TEX11: variants seen among roughly 807,000 people sequenced by gnomAD.
The protein encoded by TEX11 is testis expressed 11.
In TEX11, 7 loss-of-function variants were observed where a neutral mutation model predicts 84.4. The observed-to-expected ratio is 0.08, with a 90% confidence interval of 0.05 to 0.16. TEX11 has a LOEUF of 0.16. Among genes scored for constraint, TEX11 ranks in the 10% least tolerant of loss-of-function variants. The pLI, the probability that TEX11 is intolerant of heterozygous loss-of-function variation, is 1.00. For missense variants in TEX11, 551 were observed against 660.5 expected (o/e 0.83, Z 1.82); for synonymous variants, 264 against 222.8 (o/e 1.18, Z -1.64).
intron 13 of TEX11, among the ~76,000 whole-genome samples, chrX:70,683,227 AC>A (rs2147659362): frequency 8.9e-6 from 1 of 112,338 alleles, no homozygotes; most frequent in South Asian, 3.7e-4. Context: ...CAAATAATAC[AC>A]TAGTATCTTC....
At chrX:70,805,110 G>A (rs2091211031) in intron 9 of TEX11, among the ~76,000 whole-genome samples, 1 of 107,759 alleles carries the variant, frequency 9.3e-6, no homozygotes, top group African/African-American at 3.4e-5. Flanking sequence ...ACTCCAGCCT[G>A]TTCTATTAGG....
chrX:70,634,712 C>CA lies in TEX11; in HGVS notation c.1484-4978dup, dbSNP rs200844454. 6.3e-3 allele frequency among the ~76,000 whole-genome samples: 418 copies of CA among 65,994 alleles called. 3 individuals carry two copies. Among genetic ancestry groups the CA allele is most frequent in the Admixed American group, 0.032 (212 of 6,717 alleles). The allele number at this position is 65,994 out of a possible 115,157, so 57.3% of individuals were successfully genotyped here. ...GCTGGAACAATTGGATAGTCATGTG[C>CA]AAAAAAAAAAAAAAATTTTCAATCC... On this transcript the variant is annotated intron_variant, in intron 17 of 29. Transcript: ENST00000374333.
intron 28 of TEX11, among the ~76,000 whole-genome samples, chrX:70,548,938 G>A (rs1183607949): frequency 9.0e-6 from 1 of 111,452 alleles, no homozygotes; most frequent in Non-Finnish European, 1.9e-5. Flanking sequence ...GGGCAGCCAA[G>A]GGAGTGATTG....
intron 25 of TEX11, among the ~76,000 whole-genome samples, chrX:70,585,519 A>G (rs776358323): frequency 5.4e-5 from 6 of 112,120 alleles, no homozygotes; most frequent in African/African-American, 9.7e-5. Flanking sequence ...TCAAATTTAT[A>G]TGGAATTGTA....
intron 13 of TEX11, among the ~76,000 whole-genome samples, chrX:70,714,845 C>G (rs180679212): frequency 1.8e-5 from 2 of 111,411 alleles, no homozygotes; most frequent in East Asian, 5.6e-4. Flanking sequence ...GTGATGTTAG[C>G]TGGTTATTTT....
intron 25 of TEX11, among the ~76,000 whole-genome samples, chrX:70,580,639 T>A (rs2088759205): frequency 8.9e-6 from 1 of 112,468 alleles, no homozygotes; most frequent in Non-Finnish European, 1.9e-5. Flanking sequence ...GTTATGTCAT[T>A]TTTGGTGATT....
At chrX:70,538,196 T>C (rs949795537) in intron 28 of TEX11, among the ~76,000 whole-genome samples, 7 of 111,297 alleles carry the variant, frequency 6.3e-5, no homozygotes, top group Non-Finnish European at 1.3e-4. Flanking sequence ...CTGTCTTGTT[T>C]TGGGGGTTGA....
intron 15 of TEX11, chrX:70,673,081 G>C (rs916122607): frequency 6.9e-5 from 8 of 115,587 alleles, no homozygotes; most frequent in Non-Finnish European, 1.3e-4. Flanking sequence ...CTTCAGCTAT[G>C]TCCCTGATAG....
intron 2 of TEX11, among the ~76,000 whole-genome samples, chrX:70,893,448 G>C (rs1380739997): frequency 8.9e-6 from 1 of 111,852 alleles, no homozygotes; most frequent in Non-Finnish European, 1.9e-5. Context: ...TATGGAAATT[G>C]AACAACCTGC....
At chrX:70,520,621 G>T in the TEX11 span, among the ~76,000 whole-genome samples, 1 of 112,558 alleles carries the variant, frequency 8.9e-6, no homozygotes, top group Non-Finnish European at 1.9e-5. Flanking sequence ...AAGGCAGTCT[G>T]TCTGTTCTCA....
At chrX:70,656,556 C>T (rs1191272979) in intron 16 of TEX11, among the ~76,000 whole-genome samples, 1 of 111,641 alleles carries the variant, frequency 9.0e-6, no homozygotes, top group Admixed American at 9.5e-5. Flanking sequence ...CCACAGACAG[C>T]GTTTATAACA....
chrX:70,839,758 C>T (rs750202512), intron 7 of TEX11, among the ~76,000 whole-genome samples: 27 of 110,938 alleles, frequency 2.4e-4, no homozygotes, highest in East Asian at 8.5e-4. Flanking sequence ...ATTAGGCGAA[C>T]GGATACTAGA....
At chrX:70,780,761 T>C (rs2091033899) in intron 9 of TEX11, among the ~76,000 whole-genome samples, 1 of 112,637 alleles carries the variant, frequency 8.9e-6, no homozygotes, top group African/African-American at 3.2e-5. Flanking sequence ...GGGAGGGGCA[T>C]CTGCCATTGC....
intron 13 of TEX11, among the ~76,000 whole-genome samples, chrX:70,695,133 A>G (rs761849265): frequency 2.7e-5 from 3 of 112,378 alleles, no homozygotes; most frequent in Non-Finnish European, 5.6e-5. Context: ...TGTATTTACC[A>G]AAAGAAATGA....
intron 9 of TEX11, among the ~76,000 whole-genome samples, chrX:70,750,351 G>C (rs1475453773): frequency 2.7e-5 from 3 of 111,594 alleles, no homozygotes; most frequent in Non-Finnish European, 5.6e-5. Context: ...CAACCATTGT[G>C]GAAGTCAGTG....
intron 15 of TEX11, among the ~76,000 whole-genome samples, chrX:70,675,910 G>T (rs1435978092): frequency 8.9e-6 from 1 of 111,921 alleles, no homozygotes; most frequent in Non-Finnish European, 1.9e-5. Context: ...GATTGCAGGT[G>T]TGAGCCACCG....
At chrX:70,769,736 CT>C (rs2090960944) in intron 9 of TEX11, among the ~76,000 whole-genome samples, 1 of 111,420 alleles carries the variant, frequency 9.0e-6, no homozygotes, top group African/African-American at 3.3e-5. Flanking sequence ...CTCTAAATTA[CT>C]AAATAGGTGA....
intron 9 of TEX11, among the ~76,000 whole-genome samples, chrX:70,780,360 G>A (rs1329039090): frequency 8.9e-6 from 1 of 112,660 alleles, no homozygotes; most frequent in African/African-American, 3.2e-5. Flanking sequence ...CAAATAGGAA[G>A]AGCTCTGCTC....
chrX:70,899,245 A>G (rs931924932), intron 2 of TEX11, among the ~76,000 whole-genome samples: 1 of 111,796 alleles, frequency 8.9e-6, no homozygotes, highest in African/African-American at 3.2e-5. Flanking sequence ...AGCACTTAAA[A>G]TGTGGCTAGT....
Sources: gnomAD v4.1 joint callset for allele counts (sites outside exome capture counted in the v4.1 genomes callset) on GRCh38, gnomAD v4.1.1 for gene constraint, MANE v1.5 for transcripts, NCBI Gene and HGNC (gene_info 2026-07-23, HGNC 2026-07-21) for gene names.